Variants in GRAMD1B observed in about 807,000 individuals in gnomAD.
GRAMD1B encodes protein Aster-B.
A neutral mutation model predicts 99.7 loss-of-function variants in GRAMD1B; 37 were observed. That is an observed-to-expected ratio of 0.37 (90% CI 0.29 to 0.49). The LOEUF (loss-of-function observed/expected upper bound fraction) is 0.49, where lower values mean the gene tolerates loss of function less well. Among genes scored for constraint, GRAMD1B ranks in the 20% least tolerant of loss-of-function variants. The probability of loss-of-function intolerance (pLI) is 0.98; values close to 1 mark genes in which losing one functional copy is unlikely to be tolerated. For missense variants in GRAMD1B, 888 were observed against 1,009.2 expected (o/e 0.88, Z 1.63); for synonymous variants, 427 against 387.6 (o/e 1.10, Z -1.19).
chr11:123,582,766 C>A (rs1273432494), intron 3 of GRAMD1B, among the ~76,000 whole-genome samples: 1 of 152,234 alleles, frequency 6.6e-6, no homozygotes, highest in African/African-American at 2.4e-5. Flanking sequence ...CACACACCCA[C>A]CCTTGTGCGT....
intron 2 of GRAMD1B, among the ~76,000 whole-genome samples, chr11:123,500,016 G>A (rs1939696374): frequency 6.6e-6 from 1 of 152,192 alleles, no homozygotes; most frequent in South Asian, 2.1e-4. Flanking sequence ...TCAACTGGCT[G>A]AGAGTTATCC....
At chr11:123,396,607 G>C (rs1037272525) in intron 1 of GRAMD1B, among the ~76,000 whole-genome samples, 4 of 152,122 alleles carry the variant, frequency 2.6e-5, no homozygotes, top group Admixed American at 1.3e-4. Context: ...TTATGACTTA[G>C]AAGTGCTGTG....
intron 2 of GRAMD1B, among the ~76,000 whole-genome samples, chr11:123,513,609 C>CTTTCTTTCTTTCTTT (rs1206527809): frequency 0.016 from 568 of 35,688 alleles, 11 homozygotes; most frequent in East Asian, 0.044. Flanking sequence ...TTCCTTCCTT[C>CTTTCTTTCTTTCTTT]CTTCCTTCCT....
intron 19 of GRAMD1B, among the ~76,000 whole-genome samples, chr11:123,621,484 C>T (rs1305815452): frequency 6.6e-6 from 1 of 152,176 alleles, no homozygotes; most frequent in East Asian, 1.9e-4. Flanking sequence ...CAGTTCTAGT[C>T]CTAGCAAACA....
chr11:123,548,144 C>G (rs1161963817), intron 2 of GRAMD1B, among the ~76,000 whole-genome samples: 1 of 151,680 alleles, frequency 6.6e-6, no homozygotes, highest in African/African-American at 2.4e-5. Flanking sequence ...GGGTGAGGCA[C>G]TGCTAGGATG....
At chr11:123,582,798 C>T (rs1027301947) in intron 3 of GRAMD1B, among the ~76,000 whole-genome samples, 1 of 152,238 alleles carries the variant, frequency 6.6e-6, no homozygotes, top group Non-Finnish European at 1.5e-5. Flanking sequence ...TCCCTCTAGA[C>T]ACAGCAGACA....
chr11:123,584,042 G>A (rs938357078), intron 3 of GRAMD1B, among the ~76,000 whole-genome samples: 2 of 151,982 alleles, frequency 1.3e-5, no homozygotes, highest in African/African-American at 4.8e-5. Flanking sequence ...ATGGGGCTCC[G>A]ACTCCCTTCC....
At chr11:123,452,647 A>G (rs1949940761) in intron 1 of GRAMD1B, among the ~76,000 whole-genome samples, 1 of 151,190 alleles carries the variant, frequency 6.6e-6, no homozygotes, top group Non-Finnish European at 1.5e-5. Flanking sequence ...CTCTGTCTCA[A>G]AAAAAAAAGA....
At chr11:123,597,557 C>G (rs1476950477) in intron 7 of GRAMD1B, among the ~76,000 whole-genome samples, 1 of 151,996 alleles carries the variant, frequency 6.6e-6, no homozygotes, top group Non-Finnish European at 1.5e-5. Flanking sequence ...AGGGAAGTAG[C>G]AACAAAGGAG....
rs5795381 is a variant in GRAMD1B at position 123,574,076 on chromosome 11, T to TAA, written c.453-3275_453-3274dup. On this transcript the variant is annotated intron_variant, in intron 2 of 19. Transcript: ENST00000635736. ...ATGGGTCTTGAAGAATGAACAGAAT[T>TAA]AAAAAAAAAAAAAAAAAGAAGAAAG... Among the ~76,000 whole-genome samples the TAA allele has an allele frequency of 7.9e-4, 99 of 125,724 alleles. 1 individual carries two copies. In the Middle Eastern group the frequency reaches 0.012, roughly 15 times the overall value. The allele number at this position is 125,724 out of a possible 152,430, so 82.5% of individuals were successfully genotyped here. A position where few individuals can be genotyped will look rare whatever the true frequency, so the allele number is the denominator to read the frequency against.
intron 2 of GRAMD1B, among the ~76,000 whole-genome samples, chr11:123,533,493 C>T (rs2135577325): frequency 1.3e-5 from 2 of 152,126 alleles, no homozygotes; most frequent in South Asian, 2.1e-4. Flanking sequence ...ATGGGGCAAT[C>T]TCAGCTCACT....
At chr11:123,487,983 G>GTGTCTT (rs1231590810) in intron 2 of GRAMD1B, among the ~76,000 whole-genome samples, 2 of 152,198 alleles carry the variant, frequency 1.3e-5, no homozygotes, top group African/African-American at 4.8e-5. Flanking sequence ...CATAGACTGG[G>GTGTCTT]TGTCTTGTAC....
intron 2 of GRAMD1B, among the ~76,000 whole-genome samples, chr11:123,526,653 C>T (rs952410449): frequency 3.9e-5 from 6 of 152,124 alleles, no homozygotes; most frequent in Admixed American, 1.3e-4. Context: ...TCCCTAGGGG[C>T]ATCCCTCTGA....
intron 1 of GRAMD1B, among the ~76,000 whole-genome samples, chr11:123,479,945 C>T (rs1404646036): frequency 6.6e-6 from 1 of 152,098 alleles, no homozygotes; most frequent in Non-Finnish European, 1.5e-5. Context: ...AGCAAAAACA[C>T]GTGGCTCTAG....
At chr11:123,597,270 T>TC (rs1951401499) in intron 7 of GRAMD1B, among the ~76,000 whole-genome samples, 1 of 105,782 alleles carries the variant, frequency 9.5e-6, no homozygotes, top group East Asian at 3.6e-4. Context: ...TTTTTTTTTT[T>TC]TTTTTTTTTT....
chr11:123,576,886 G>A (rs1409173377), intron 2 of GRAMD1B, among the ~76,000 whole-genome samples: 2 of 152,194 alleles, frequency 1.3e-5, no homozygotes, highest in Non-Finnish European at 2.9e-5. Context: ...GAAATAATGC[G>A]TATGTGAAGG....
intron 1 of GRAMD1B, among the ~76,000 whole-genome samples, chr11:123,399,679 G>A (rs1323636353): frequency 2.0e-5 from 3 of 151,874 alleles, no homozygotes; most frequent in South Asian, 2.1e-4. Context: ...GCATGATCTC[G>A]GCTCACTGCA....
chr11:123,366,909 A>G (rs1169839723), intron 1 of GRAMD1B, among the ~76,000 whole-genome samples: 2 of 152,226 alleles, frequency 1.3e-5, no homozygotes, highest in African/African-American at 2.4e-5. Context: ...CATTTGTTAA[A>G]CAAGAAACAA....
intron 2 of GRAMD1B, among the ~76,000 whole-genome samples, chr11:123,544,921 A>T (rs1944907566): frequency 6.6e-6 from 1 of 152,176 alleles, no homozygotes; most frequent in Non-Finnish European, 1.5e-5. Flanking sequence ...TGAAGAGGCC[A>T]TTGTTCTGGC....
Sources: allele counts gnomAD v4.1 joint callset (sites outside exome capture counted in the v4.1 genomes callset), GRCh38; gene constraint gnomAD v4.1.1; transcripts MANE v1.5; gene names NCBI Gene and HGNC (gene_info 2026-07-23, HGNC 2026-07-21).